NKD1: variants seen among roughly 807,000 people sequenced by gnomAD.
The protein encoded by NKD1 is NKD inhibitor of Wnt signaling pathway 1.
In NKD1, 21 loss-of-function variants were observed where a neutral mutation model predicts 56.0. The ratio of observed to expected loss-of-function variants is 0.38; its 90% CI spans 0.27 to 0.54. NKD1 has a LOEUF of 0.54. Ranked by LOEUF, NKD1 falls within the 20% of genes least tolerant of loss-of-function variation. The pLI, the probability that NKD1 is intolerant of heterozygous loss-of-function variation, is 0.82. For missense variants in NKD1, 578 were observed against 642.7 expected (o/e 0.90, Z 1.09); for synonymous variants, 263 against 265.7 (o/e 0.99, Z 0.10).
At chr16:50,609,494 G>A (rs971836119) in intron 4 of NKD1, among the ~76,000 whole-genome samples, 2 of 152,170 alleles carry the variant, frequency 1.3e-5, no homozygotes, top group African/African-American at 2.4e-5. Context: ...AAGGGTCTGC[G>A]GAGGGGGATC....
chr16:50,599,082 G>T (rs966620896), intron 3 of NKD1, among the ~76,000 whole-genome samples: 1 of 152,098 alleles, frequency 6.6e-6, no homozygotes. Flanking sequence ...CTCTGCAGCC[G>T]GCCAGAAGTG....
At position 50,639,288 on chromosome 16, in the gene NKD1, C is replaced by T. The variant is rs1962532943; in HGVS notation, c.*5507C>T. 6.6e-6 allele frequency: 1 copy of T among 152,070 alleles called. No homozygotes were observed. Among genetic ancestry groups the T allele is most frequent in the Admixed American group, 6.5e-5 (1 of 15,270 alleles). The allele number at this position is 152,070 out of a possible 1,614,324, so 9.4% of individuals were successfully genotyped here. A position where few individuals can be genotyped will look rare whatever the true frequency, so the allele number is the denominator to read the frequency against. On this transcript the variant is annotated 3_prime_UTR_variant, in exon 10 of 10. Transcript: ENST00000268459. ...TAACTTCAGGGGCCGTAAGAATCCCCCAGGGAGCATGTGAAATGCAGATAC... is the reference window on the plus strand; with the variant it reads ...TAACTTCAGGGGCCGTAAGAATCCCTCAGGGAGCATGTGAAATGCAGATAC...
intron 3 of NKD1, chr16:50,572,853 A>C (rs1960913933): frequency 2.0e-6 from 2 of 983,864 alleles, no homozygotes; most frequent in Non-Finnish European, 2.4e-6. Flanking sequence ...GTGCTGACCA[A>C]AGTCAGTCTC....
intron 3 of NKD1, chr16:50,555,958 C>A (rs1043918614): frequency 6.6e-6 from 1 of 152,098 alleles, no homozygotes; most frequent in Admixed American, 6.5e-5. Context: ...TCCCTTCCCC[C>A]CCACCCTCTC....
At chr16:50,565,686 C>T (rs1003013133) in intron 3 of NKD1, among the ~76,000 whole-genome samples, 1 of 152,206 alleles carries the variant, frequency 6.6e-6, no homozygotes, top group Non-Finnish European at 1.5e-5. Flanking sequence ...GAGACCATGT[C>T]TCTCAGCAAC....
Position 50,589,768 on chromosome 16 carries a change from TCTC to T in NKD1, c.193-18522_193-18520del, listed in dbSNP as rs1961320383. Among the ~76,000 whole-genome samples, 457 of 77,560 alleles carry T rather than the reference TCTC, an allele frequency of 5.9e-3. 60 individuals carry two copies. Among genetic ancestry groups the T allele is most frequent in the African/African-American group, 0.016 (285 of 18,098 alleles). The allele number at this position is 77,560 out of a possible 152,430, so 50.9% of individuals were successfully genotyped here. On this transcript the variant is annotated intron_variant, in intron 3 of 9. Coordinates refer to ENST00000268459, the MANE Select transcript of NKD1 (RefSeq NM_033119.5). ...TCTTCTCTTCTCTTCTCTTCTCTCC[TCTC>T]CTCTCCTCTCCTCTCCTCTCCTCTC... is the stretch of plus-strand genomic sequence containing the variant.
In NKD1 at chr16:50,621,630, G is replaced by T. The variant is rs1461867991; in HGVS notation, c.288G>T (p.Gly96=). The T allele has an allele frequency of 6.2e-7, 1 of 1,613,786 alleles. No homozygotes were observed. Among genetic ancestry groups the T allele is most frequent in the African/African-American group, 1.3e-5 (1 of 74,946 alleles). ...EVALPPEKTD[G]LGSGDEKKME... is the part of the protein sequence containing the mutation. ...CCCTGCCTCCTGAGAAGACTGACGG[G>T]CTGGGCAGCGGAGATGAGAAGAAGA... The change falls in exon 5 of 10, where the codon GGG becomes GGT. Residue 96 remains glycine (G), a synonymous_variant. Coordinates refer to ENST00000268459, the MANE Select transcript of NKD1 (RefSeq NM_033119.5).
intron 3 of NKD1, among the ~76,000 whole-genome samples, chr16:50,584,207 A>G (rs1961179270): frequency 6.6e-6 from 1 of 152,178 alleles, no homozygotes; most frequent in African/African-American, 2.4e-5. Flanking sequence ...CTTGTTGTGT[A>G]TGTCCTATCC....
chr16:50,586,239 C>T (rs1260533544), intron 3 of NKD1, among the ~76,000 whole-genome samples: 5 of 152,140 alleles, frequency 3.3e-5, no homozygotes, highest in African/African-American at 1.2e-4. Flanking sequence ...GCAAAACTTG[C>T]AGTCACTTGT....
Position 50,610,568 on chromosome 16 carries a change from G to A in NKD1, c.259+2208G>A, listed in dbSNP as rs186174876. Among the ~76,000 whole-genome samples the A allele has an allele frequency of 2.4e-4, 36 of 152,380 alleles. No homozygotes were observed. The East Asian group carries it at 6.0e-3, about 25-fold the overall frequency. On this transcript the variant is annotated intron_variant, in intron 4 of 9. Transcript: ENST00000268459. ...GGGGTCCCTCTGTGCTACTGACTAAGGGAGAACAAGCCGAGTCCTGAATCT... is the reference window on the plus strand; with the variant it reads ...GGGGTCCCTCTGTGCTACTGACTAAAGGAGAACAAGCCGAGTCCTGAATCT...
intron 3 of NKD1, among the ~76,000 whole-genome samples, chr16:50,580,886 C>G (rs1047670549): frequency 4.6e-5 from 7 of 152,150 alleles, no homozygotes; most frequent in African/African-American, 1.7e-4. Context: ...TCATCATTGC[C>G]TTTGCACATT....
intron 6 of NKD1, among the ~76,000 whole-genome samples, chr16:50,626,885 C>T (rs1358344139): frequency 6.6e-6 from 1 of 152,106 alleles, no homozygotes; most frequent in Non-Finnish European, 1.5e-5. Context: ...CATGTGGGGG[C>T]CTCATGTTCC....
At chr16:50,619,961 T>G (rs925603782) in intron 4 of NKD1, among the ~76,000 whole-genome samples, 3 of 152,208 alleles carry the variant, frequency 2.0e-5, no homozygotes, top group African/African-American at 7.2e-5. Context: ...ACTGTGAGCA[T>G]TATTCAGGCT....
At chr16:50,612,245 C>A (rs532136064) in intron 4 of NKD1, among the ~76,000 whole-genome samples, 3 of 152,330 alleles carry the variant, frequency 2.0e-5, no homozygotes, top group South Asian at 4.1e-4. Flanking sequence ...GGGGCCTGGG[C>A]CAGTCTGTCC....
At chr16:50,586,211 C>T (rs57527803) in intron 3 of NKD1, among the ~76,000 whole-genome samples, 2,409 of 152,252 alleles carry the variant, frequency 0.016, 54 homozygotes, top group African/African-American at 0.055. Context: ...ATTTTCACCT[C>T]GTTCTTCTGT....
At position 50,647,319 on chromosome 16, in the gene NKD1, T is replaced by A. The variant is rs574027748; in HGVS notation, c.*13538T>A. ...TTGAGGAACTTGTAACATGTCATGG[T>A]AGTGGCCATCTTGCTACAGCCTGAG... On this transcript the variant is annotated 3_prime_UTR_variant, in exon 10 of 10. Transcript: ENST00000268459. 49 of 152,384 alleles carry A rather than the reference T, an allele frequency of 3.2e-4. No homozygotes were observed. Among genetic ancestry groups the A allele is most frequent in the African/African-American group, 1.2e-3 (49 of 41,588 alleles). The allele number at this position is 152,384 out of a possible 1,614,324, so 9.4% of individuals were successfully genotyped here.
In NKD1 at chr16:50,642,305, A is replaced by T. The variant is rs553176675; in HGVS notation, c.*8524A>T. The T allele has an allele frequency of 1.3e-5, 2 of 152,336 alleles. No homozygotes were observed. Among genetic ancestry groups the T allele is most frequent in the South Asian group, 4.1e-4 (2 of 4,832 alleles). 9.4% of individuals were successfully genotyped at this position (152,336 alleles called of 1,614,324 possible). A position where few individuals can be genotyped will look rare whatever the true frequency, so the allele number is the denominator to read the frequency against. ...TCAGGCTAGAGTCTGGTCCTTGCCC[A>T]TCTGCAGGTCCAGGAAGATGTGGCC... On this transcript the variant is annotated 3_prime_UTR_variant, in exon 10 of 10. Coordinates refer to ENST00000268459, the MANE Select transcript of NKD1 (RefSeq NM_033119.5).
intron 7 of NKD1, 62 bp downstream of exon 7, chr16:50,630,395 C>T: frequency 6.3e-7 from 1 of 1,584,086 alleles, no homozygotes; most frequent in Non-Finnish European, 8.6e-7. Context: ...GGAACAGAGC[C>T]TTCCTGGGAG....
rs1412567378 is a variant in NKD1 at position 50,647,983 on chromosome 16, G to A, written c.*14202G>A. Reference sequence around the variant, plus strand: ...TTTTGGCAGCAAAGTTGGGAGTGGTGTTGAAGTAACTGGGAAAACTCCACA... The same window carrying A: ...TTTTGGCAGCAAAGTTGGGAGTGGTATTGAAGTAACTGGGAAAACTCCACA... On this transcript the variant is annotated 3_prime_UTR_variant, in exon 10 of 10. Transcript: ENST00000268459. 2 of 152,216 alleles carry A rather than the reference G, an allele frequency of 1.3e-5. No homozygotes were observed. Among genetic ancestry groups the A allele is most frequent in the East Asian group, 3.9e-4 (2 of 5,192 alleles). The allele number at this position is 152,216 out of a possible 1,614,324, so 9.4% of individuals were successfully genotyped here.
Sources: allele counts gnomAD v4.1 joint callset (sites outside exome capture counted in the v4.1 genomes callset), GRCh38; gene constraint gnomAD v4.1.1; transcripts MANE v1.5; gene names NCBI Gene and HGNC (gene_info 2026-07-23, HGNC 2026-07-21).